TBL1XR1: variants seen among roughly 807,000 people sequenced by gnomAD.
TBL1XR1 encodes TBL1X/Y related 1.
A neutral mutation model predicts 66.9 loss-of-function variants in TBL1XR1; 5 were observed. The ratio of observed to expected loss-of-function variants is 0.07; its 90% CI spans 0.04 to 0.16. TBL1XR1 has a LOEUF of 0.16. Ranked by LOEUF, TBL1XR1 falls within the 10% of genes least tolerant of loss-of-function variation. The probability of loss-of-function intolerance (pLI) is 1.00; values close to 1 mark genes in which losing one functional copy is unlikely to be tolerated. For missense variants in TBL1XR1, 238 were observed against 623.2 expected (o/e 0.38, Z 6.58); for synonymous variants, 210 against 206.0 (o/e 1.02, Z -0.17).
At chr3:177,111,084 T>TCA (rs371093811) in intron 1 of TBL1XR1, among the ~76,000 whole-genome samples, 135 of 152,190 alleles carry the variant, frequency 8.9e-4, no homozygotes, top group Admixed American at 3.4e-3. Flanking sequence ...CAGGGCAGTA[T>TCA]CACGCCAGGC....
At chr3:177,126,689 C>T (rs1727670967) in intron 1 of TBL1XR1, among the ~76,000 whole-genome samples, 2 of 152,140 alleles carry the variant, frequency 1.3e-5, no homozygotes, top group Non-Finnish European at 2.9e-5. Flanking sequence ...TCCATGGTAG[C>T]CTACTAACAA....
intron 1 of TBL1XR1, among the ~76,000 whole-genome samples, chr3:177,146,588 T>TAAAAAAAAAAAAAA (rs1462525701): frequency 8.5e-5 from 1 of 11,718 alleles, no homozygotes; most frequent in Non-Finnish European, 1.7e-4. Context: ...AGACTCCATC[T>TAAAAAAAAAAAAAA]CAAAAAAAAA....
At chr3:177,186,407 AAAAG>A (rs1403770747) in intron 1 of TBL1XR1, among the ~76,000 whole-genome samples, 5 of 152,116 alleles carry the variant, frequency 3.3e-5, no homozygotes, top group African/African-American at 1.2e-4. Context: ...TAATTGCAGA[AAAAG>A]AAAAGATAAA....
intron 1 of TBL1XR1, among the ~76,000 whole-genome samples, chr3:177,175,001 A>C (rs1374330407): frequency 1.3e-5 from 2 of 152,208 alleles, no homozygotes; most frequent in East Asian, 3.8e-4. Flanking sequence ...AGACATAAAC[A>C]AAACTGTTTG....
intron 3 of TBL1XR1, 83 bp from the exon 4 acceptor site, chr3:177,054,001 CT>C: frequency 7.1e-7 from 1 of 1,417,958 alleles, no homozygotes; most frequent in Non-Finnish European, 9.6e-7. Context: ...TCACCATCAT[CT>C]TTTCAAATCC....
At chr3:177,082,738 T>TTTTATATTATATATATATATATA (rs1450061640) in intron 2 of TBL1XR1, among the ~76,000 whole-genome samples, 1 of 63,234 alleles carries the variant, frequency 1.6e-5, no homozygotes, top group Non-Finnish European at 3.0e-5. Flanking sequence ...AAGATAGAGA[T>TTTTATATTATATATATATATATA]TATATATATA....
intron 2 of TBL1XR1, chr3:177,091,309 A>G (rs1282873779): frequency 6.6e-6 from 1 of 152,162 alleles, no homozygotes; most frequent in East Asian, 1.9e-4. Flanking sequence ...ACATGTACTT[A>G]AAGTACTTAT....
intron 2 of TBL1XR1, among the ~76,000 whole-genome samples, chr3:177,085,580 TA>T (rs1438460569): frequency 1.3e-5 from 2 of 151,614 alleles, no homozygotes; most frequent in African/African-American, 4.8e-5. Flanking sequence ...GTAGACACGA[TA>T]AAAAAAAGTT....
At chr3:177,051,317 G>A (rs1717054382) in intron 5 of TBL1XR1, among the ~76,000 whole-genome samples, 187 bp downstream of exon 5, 2 of 151,924 alleles carry the variant, frequency 1.3e-5, no homozygotes, top group African/African-American at 4.8e-5. Flanking sequence ...GGGAGGAAGA[G>A]GAGGATCAGA....
At chr3:177,068,005 T>TA (rs1454148301) in intron 2 of TBL1XR1, among the ~76,000 whole-genome samples, 3 of 152,182 alleles carry the variant, frequency 2.0e-5, no homozygotes, top group Non-Finnish European at 4.4e-5. Flanking sequence ...CAACTGTCTT[T>TA]AAACTAGGTC....
intron 1 of TBL1XR1, among the ~76,000 whole-genome samples, chr3:177,158,945 A>G (rs78211630): frequency 0.016 from 2,402 of 152,300 alleles, 56 homozygotes; most frequent in African/African-American, 0.055. Flanking sequence ...AAATGGACGT[A>G]TTTTCCCACC....
intron 1 of TBL1XR1, among the ~76,000 whole-genome samples, chr3:177,162,558 G>A (rs1487333112): frequency 2.6e-5 from 4 of 152,178 alleles, no homozygotes; most frequent in Non-Finnish European, 5.9e-5. Context: ...TCTGAGTGAT[G>A]GAAATGTTCT....
intron 1 of TBL1XR1, among the ~76,000 whole-genome samples, chr3:177,112,269 A>T (rs949225358): frequency 8.6e-5 from 13 of 150,750 alleles, no homozygotes; most frequent in African/African-American, 3.2e-4. Context: ...CACTACGCTC[A>T]GCTAATTTTT....
intron 14 of TBL1XR1, among the ~76,000 whole-genome samples, chr3:177,030,147 G>C (rs903248219): frequency 4.0e-5 from 6 of 150,950 alleles, no homozygotes; most frequent in South Asian, 4.2e-4. Context: ...GAGAGAGAGA[G>C]AGACAGACAC....
intron 1 of TBL1XR1, among the ~76,000 whole-genome samples, chr3:177,151,532 T>C (rs146800227): frequency 6.6e-6 from 1 of 152,286 alleles, no homozygotes; most frequent in Non-Finnish European, 1.5e-5. Flanking sequence ...TAATGCCTGA[T>C]GAAACCACCC....
At chr3:177,157,101 T>C (rs1731609860) in intron 1 of TBL1XR1, among the ~76,000 whole-genome samples, 1 of 152,128 alleles carries the variant, frequency 6.6e-6, no homozygotes, top group Admixed American at 6.6e-5. Flanking sequence ...AATCCCACTT[T>C]GGGAGGCTGA....
intron 1 of TBL1XR1, among the ~76,000 whole-genome samples, chr3:177,195,070 T>C (rs530043444): frequency 1.1e-4 from 16 of 152,148 alleles, no homozygotes; most frequent in Non-Finnish European, 2.9e-5. Context: ...GTAGTTTTCG[T>C]CCCCCATACA....
intron 2 of TBL1XR1, among the ~76,000 whole-genome samples, chr3:177,066,912 C>T (rs1451027499): frequency 1.3e-5 from 2 of 152,084 alleles, no homozygotes; most frequent in Non-Finnish European, 1.5e-5. Context: ...ACCCTCTTCA[C>T]CAAAAAAATT....
At chr3:177,037,514 G>T (rs1296267744) in intron 12 of TBL1XR1, 1 of 152,170 alleles carries the variant, frequency 6.6e-6, no homozygotes, top group African/African-American at 2.4e-5. Flanking sequence ...GGCGGCGGGG[G>T]GGGCATCACT....
Sources: gnomAD v4.1 joint callset for allele counts (sites outside exome capture counted in the v4.1 genomes callset) on GRCh38, gnomAD v4.1.1 for gene constraint, MANE v1.5 for transcripts, NCBI Gene and HGNC (gene_info 2026-07-23, HGNC 2026-07-21) for gene names.